DENND5A: variants seen among roughly 807,000 people sequenced by gnomAD.
DENND5A encodes the protein DENN domain-containing protein 5A.
Under a neutral mutation model 140.3 loss-of-function variants are expected in DENND5A, and 64 were observed. The observed-to-expected ratio is 0.46, with a 90% confidence interval of 0.37 to 0.56. The LOEUF (loss-of-function observed/expected upper bound fraction) is 0.56. DENND5A is among the 20% of genes least tolerant of loss of function. The probability of loss-of-function intolerance (pLI) is 0.00; values close to 1 mark genes in which losing one functional copy is unlikely to be tolerated. For synonymous variants in DENND5A, 605 were observed against 607.7 expected (o/e 1.00, Z 0.07); for missense variants, 1,292 against 1,593.8 (o/e 0.81, Z 3.22).
At chr11:9,263,252 G>C (rs1469165744) in intron 1 of DENND5A, among the ~76,000 whole-genome samples, 7 of 151,550 alleles carry the variant, frequency 4.6e-5, no homozygotes, top group Non-Finnish European at 1.0e-4. Context: ...ACCCAGACTG[G>C]AGTGTAGTGG....
At chr11:9,234,319 C>G (rs561261073) in intron 1 of DENND5A, among the ~76,000 whole-genome samples, 2 of 151,924 alleles carry the variant, frequency 1.3e-5, no homozygotes, top group Admixed American at 6.6e-5. Context: ...CCGATCCCCC[C>G]CCCAAAAAAA....
chr11:9,140,627 C>A (rs1847205983), intron 22 of DENND5A, among the ~76,000 whole-genome samples: 1 of 152,144 alleles, frequency 6.6e-6, no homozygotes, highest in Admixed American at 6.5e-5. Flanking sequence ...AGGGGCCCTA[C>A]CCTCCTTTCA....
Position 9,243,087 on chromosome 11 carries a change from C to CAAAAAAAAAA in DENND5A, c.109+21864_109+21873dup, listed in dbSNP as rs539119487. Among the ~76,000 whole-genome samples the CAAAAAAAAAA allele has an allele frequency of 1.9e-4, 13 of 66,886 alleles. 2 individuals are homozygous for CAAAAAAAAAA. Among genetic ancestry groups the CAAAAAAAAAA allele is most frequent in the African/African-American group, 4.3e-4 (7 of 16,222 alleles). The allele number at this position is 66,886 out of a possible 152,430, so 43.9% of individuals were successfully genotyped here. A position where few individuals can be genotyped will look rare whatever the true frequency, so the allele number is the denominator to read the frequency against. ...TGGGCGACACAGCGAGACTCTGTCTCAAAAAAAAAAAAAAAAACAAAAAAA... is the reference window on the plus strand; with the variant it reads ...TGGGCGACACAGCGAGACTCTGTCTCAAAAAAAAAAAAAAAAAAAAAAAAAAACAAAAAAA... On this transcript the variant is annotated intron_variant, in intron 1 of 22. Coordinates refer to ENST00000328194, the MANE Select transcript of DENND5A (RefSeq NM_015213.4).
chr11:9,258,012 CA>C (rs1852027017), intron 1 of DENND5A, among the ~76,000 whole-genome samples: 1 of 151,932 alleles, frequency 6.6e-6, no homozygotes, highest in Non-Finnish European at 1.5e-5. Context: ...AGGCTGGTCT[CA>C]AACTCCTGAC....
chr11:9,165,587 G>C (rs979882411), intron 11 of DENND5A, among the ~76,000 whole-genome samples: 2 of 152,082 alleles, frequency 1.3e-5, no homozygotes, highest in African/African-American at 4.8e-5. Flanking sequence ...CTACAGGTGT[G>C]TGCCACCATG....
intron 1 of DENND5A, among the ~76,000 whole-genome samples, chr11:9,248,559 TA>T (rs1851578391): frequency 1.3e-5 from 2 of 151,700 alleles, no homozygotes; most frequent in Non-Finnish European, 2.9e-5. Context: ...AGAGGCTGAG[TA>T]GGAGGATGGC....
chr11:9,159,922 C>T (rs903532933), intron 12 of DENND5A, among the ~76,000 whole-genome samples: 1 of 152,162 alleles, frequency 6.6e-6, no homozygotes, highest in African/African-American at 2.4e-5. Context: ...GGCATATGTA[C>T]ACAGAAGAAT....
chr11:9,203,638 G>A, intron 4 of DENND5A, 22 bp downstream of exon 4: 1 of 1,592,948 alleles, frequency 6.3e-7, no homozygotes, highest in Non-Finnish European at 8.5e-7. Context: ...CAGGCAGAAG[G>A]CTCTAGTAAG....
intron 5 of DENND5A, among the ~76,000 whole-genome samples, chr11:9,188,550 T>G (rs1849001601): frequency 6.6e-6 from 1 of 152,210 alleles, no homozygotes; most frequent in Non-Finnish European, 1.5e-5. Context: ...ACTTGTTGAA[T>G]GGCTGTGACC....
At chr11:9,164,494 G>C (rs1848119403) in intron 11 of DENND5A, among the ~76,000 whole-genome samples, 1 of 152,036 alleles carries the variant, frequency 6.6e-6, no homozygotes, top group Admixed American at 6.6e-5. Context: ...TAAATAAATA[G>C]GATGTAGTAG....
At chr11:9,170,931 A>T in intron 8 of DENND5A, 154 bp from the exon 9 acceptor site, 2 of 1,288,220 alleles carry the variant, frequency 1.6e-6, no homozygotes, top group Non-Finnish European at 2.1e-6. Flanking sequence ...ATAGGAAAAA[A>T]CCCATGCAAA....
intron 22 of DENND5A, among the ~76,000 whole-genome samples, chr11:9,140,851 G>T (rs1467306441): frequency 4.6e-5 from 7 of 152,156 alleles, no homozygotes; most frequent in Non-Finnish European, 8.8e-5. Context: ...TGTTGGCCAG[G>T]CATGGTGGCT....
chr11:9,194,675 C>T (rs1023011168), intron 4 of DENND5A, among the ~76,000 whole-genome samples: 2 of 151,456 alleles, frequency 1.3e-5, no homozygotes, highest in Admixed American at 6.6e-5. Flanking sequence ...AGGGAAGGCT[C>T]GTGGGCTTGT....
At chr11:9,243,312 C>T (rs776427048) in intron 1 of DENND5A, among the ~76,000 whole-genome samples, 19 of 152,076 alleles carry the variant, frequency 1.2e-4, no homozygotes, top group African/African-American at 3.4e-4. Flanking sequence ...ACTTTTAATA[C>T]GCAGGGGAAA....
At position 9,234,921 on chromosome 11, in the gene DENND5A, G is replaced by A. The variant is rs190923357; in HGVS notation, c.110-27289C>T. On this transcript the variant is annotated intron_variant, in intron 1 of 22. Coordinates refer to ENST00000328194, the MANE Select transcript of DENND5A (RefSeq NM_015213.4). The stretch of plus-strand genomic sequence containing the variant: ...CAGCTCTGAAAGCTGTGAGACTCCC[G>A]ATTTCCCACTCCATACCTCTATATT... 9.3e-4 allele frequency among the ~76,000 whole-genome samples: 141 copies of A among 152,148 alleles called. 2 individuals are homozygous for A. In the South Asian group the frequency reaches 0.012, roughly 13 times the overall value.
intron 3 of DENND5A, among the ~76,000 whole-genome samples, chr11:9,205,006 G>C (rs1304421275): frequency 2.0e-5 from 3 of 152,232 alleles, no homozygotes; most frequent in African/African-American, 7.2e-5. Flanking sequence ...CAGCATGACA[G>C]AGAGTAAGAT....
chr11:9,154,451 T>C (rs942305629), intron 12 of DENND5A, among the ~76,000 whole-genome samples: 4 of 152,170 alleles, frequency 2.6e-5, no homozygotes, highest in Non-Finnish European at 5.9e-5. Context: ...AATGTGAAGA[T>C]TTAAGGTCTT....
chr11:9,142,230 G>A, intron 21 of DENND5A, 122 bp from the exon 22 acceptor site: 1 of 680,642 alleles, frequency 1.5e-6, no homozygotes, highest in Non-Finnish European at 2.4e-6. Flanking sequence ...AATAGCACAA[G>A]TGTTCTGATG....
chr11:9,193,534 T>C lies in DENND5A; in HGVS notation c.1097A>G (p.Asn366Ser), dbSNP rs764208843. The C allele has an allele frequency of 1.7e-5, 27 of 1,613,104 alleles. No homozygotes were observed. Among genetic ancestry groups the C allele is most frequent in the African/African-American group, 1.2e-4 (9 of 74,792 alleles). ...CAGCTTTGACCGGTCATCCAGGCCA[T>C]TGGAATGCAAACCCATCAGGTATGG... ...PVPYLMGLHS[N>S]GLDDRSKLEL... Residue 366 changes from asparagine (N) to serine (S), a missense_variant, in exon 5 of 23, where the codon AAT (asparagine) becomes AGT (serine). Physicochemically the swap from Asn to Ser is conservative, Grantham distance 46. Coordinates refer to ENST00000328194, the MANE Select transcript of DENND5A (RefSeq NM_015213.4).
Sources: gnomAD v4.1 joint callset for allele counts (sites outside exome capture counted in the v4.1 genomes callset) on GRCh38, gnomAD v4.1.1 for gene constraint, MANE v1.5 for transcripts, NCBI Gene and HGNC (gene_info 2026-07-23, HGNC 2026-07-21) for gene names.